The following NCKAP5 variants were observed in gnomAD, a reference collection of about 807,000 sequenced individuals.
NCKAP5 encodes the protein NCK associated protein 5, also known as nck-associated protein 5.
A neutral mutation model predicts 167.0 loss-of-function variants in NCKAP5; 92 were observed. That is an observed-to-expected ratio of 0.55 (90% CI 0.47 to 0.66). The LOEUF (loss-of-function observed/expected upper bound fraction) is 0.66, where lower values mean the gene tolerates loss of function less well. Among genes scored for constraint, NCKAP5 ranks in the 30% least tolerant of loss-of-function variants. The pLI, the probability that NCKAP5 is intolerant of heterozygous loss-of-function variation, is 0.00. For synonymous variants in NCKAP5, 891 were observed against 877.4 expected (o/e 1.02, Z -0.27); for missense variants, 2,378 against 2,315.0 (o/e 1.03, Z -0.56).
chr2:132,985,051 G>T (rs757766294), intron 7 of NCKAP5, among the ~76,000 whole-genome samples: 5 of 151,628 alleles, frequency 3.3e-5, no homozygotes, highest in Non-Finnish European at 7.4e-5. Flanking sequence ...ATGAGCTGGG[G>T]AAACAGCGGG....
intron 6 of NCKAP5, among the ~76,000 whole-genome samples, chr2:133,066,209 G>T (rs556220482): frequency 6.6e-6 from 1 of 152,138 alleles, no homozygotes; most frequent in African/African-American, 2.4e-5. Context: ...CAAATTAAAG[G>T]CTTAATTACC....
chr2:133,369,951 T>A (rs1685693790), intron 3 of NCKAP5, among the ~76,000 whole-genome samples: 1 of 152,256 alleles, frequency 6.6e-6, no homozygotes, highest in Non-Finnish European at 1.5e-5. Flanking sequence ...TCAGAATGAC[T>A]GGTTTAGCTG....
At chr2:133,591,715 A>G in the NCKAP5 span, among the ~76,000 whole-genome samples, 1 of 152,208 alleles carries the variant, frequency 6.6e-6, no homozygotes, top group Non-Finnish European at 1.5e-5. Flanking sequence ...TATGTATCCT[A>G]CTATTTTTCT....
chr2:133,328,556 C>A (rs996420478), intron 3 of NCKAP5, among the ~76,000 whole-genome samples: 9 of 152,156 alleles, frequency 5.9e-5, no homozygotes, highest in African/African-American at 2.2e-4. Context: ...ACTGCCTGGG[C>A]AGTCCTTGAC....
At chr2:133,322,743 G>A (rs780969658) in intron 3 of NCKAP5, among the ~76,000 whole-genome samples, 1 of 152,168 alleles carries the variant, frequency 6.6e-6, no homozygotes, top group Non-Finnish European at 1.5e-5. Context: ...AGTACTTTGG[G>A]TCTATTTCCT....
chr2:133,042,497 T>C (rs1203174154), intron 6 of NCKAP5, among the ~76,000 whole-genome samples: 1 of 152,192 alleles, frequency 6.6e-6, no homozygotes, highest in Non-Finnish European at 1.5e-5. Flanking sequence ...AATTTGTTTG[T>C]GAAAAATGAA....
At chr2:133,071,768 C>T (rs2080414368) in intron 6 of NCKAP5, among the ~76,000 whole-genome samples, 1 of 152,090 alleles carries the variant, frequency 6.6e-6, no homozygotes, top group Admixed American at 6.6e-5. Flanking sequence ...TTCAGGGTAC[C>T]ATATGCTTTG....
Position 133,057,619 on chromosome 2 carries a change from G to A in NCKAP5, c.342-63380C>T, listed in dbSNP as rs149624135. 3.4e-4 allele frequency among the ~76,000 whole-genome samples: 52 copies of A among 152,330 alleles called. 1 individual carries two copies. The highest frequency in any genetic ancestry group is 1.2e-3 in the African/African-American group (48 of 41,576). ...CTTCAATTCTATGAAGCCTGAGAGA[G>A]GTGAAGAAGTTGCAGAAGAAAAGTT... On this transcript the variant is annotated intron_variant, in intron 6 of 19. Coordinates refer to ENST00000409261, the MANE Select transcript of NCKAP5 (RefSeq NM_207363.3).
chr2:133,091,764 G>A (rs1166333736), intron 6 of NCKAP5, among the ~76,000 whole-genome samples: 1 of 152,102 alleles, frequency 6.6e-6, no homozygotes, highest in Non-Finnish European at 1.5e-5. Flanking sequence ...GTGGGTGCCT[G>A]TAGTCCCAGC....
intron 4 of NCKAP5, among the ~76,000 whole-genome samples, chr2:133,258,849 G>A (rs749081955): frequency 4.6e-5 from 7 of 152,158 alleles, no homozygotes; most frequent in Non-Finnish European, 7.4e-5. Context: ...TTCTGTAGGA[G>A]AGAAACATTT....
At chr2:133,167,915 G>A (rs1033026544) in intron 5 of NCKAP5, among the ~76,000 whole-genome samples, 1 of 152,148 alleles carries the variant, frequency 6.6e-6, no homozygotes, top group South Asian at 2.1e-4. Flanking sequence ...AGATATGATC[G>A]ATTCATTAAG....
intron 7 of NCKAP5, among the ~76,000 whole-genome samples, chr2:132,976,571 A>G (rs1186652414): frequency 6.6e-6 from 1 of 151,314 alleles, no homozygotes; most frequent in Non-Finnish European, 1.5e-5. Flanking sequence ...CTCAAAAAAA[A>G]AAAAAAAAAA....
At chr2:133,272,583 A>G (rs1218256757) in intron 4 of NCKAP5, among the ~76,000 whole-genome samples, 2 of 152,174 alleles carry the variant, frequency 1.3e-5, no homozygotes, top group Admixed American at 6.5e-5. Context: ...TAGGTCCAAA[A>G]TTTTAAACTT....
intron 3 of NCKAP5, among the ~76,000 whole-genome samples, chr2:133,403,066 TC>T (rs1305201651): frequency 2.0e-5 from 3 of 152,224 alleles, no homozygotes; most frequent in Non-Finnish European, 4.4e-5. Context: ...ACACCACTTA[TC>T]TTTGAATAGC....
intron 3 of NCKAP5, among the ~76,000 whole-genome samples, chr2:133,499,703 G>A (rs1316277663): frequency 1.3e-5 from 2 of 152,104 alleles, no homozygotes; most frequent in Admixed American, 1.3e-4. Flanking sequence ...GGGATTACAG[G>A]CACCCATGAC....
intron 5 of NCKAP5, among the ~76,000 whole-genome samples, chr2:133,174,250 T>C (rs1008081932): frequency 1.3e-5 from 2 of 152,164 alleles, no homozygotes; most frequent in African/African-American, 4.8e-5. Flanking sequence ...AGGTTATACA[T>C]TTTAGACAAG....
intron 16 of NCKAP5, among the ~76,000 whole-genome samples, chr2:132,755,331 G>T (rs1680444309): frequency 6.6e-6 from 1 of 152,132 alleles, no homozygotes; most frequent in South Asian, 2.1e-4. Context: ...GGTCATCTTA[G>T]GCCTTTCTCA....
At chr2:132,798,507 A>G (rs1684780530) in intron 11 of NCKAP5, among the ~76,000 whole-genome samples, 1 of 152,236 alleles carries the variant, frequency 6.6e-6, no homozygotes. Flanking sequence ...GTGGTATATC[A>G]TCTGATTTGA....
chr2:133,325,358 G>A (rs536135146), intron 3 of NCKAP5, among the ~76,000 whole-genome samples: 1 of 152,312 alleles, frequency 6.6e-6, no homozygotes, highest in East Asian at 1.9e-4. Flanking sequence ...TAGCATTTAT[G>A]TATTCCCCTA....
Sources: gnomAD v4.1 joint callset for allele counts (sites outside exome capture counted in the v4.1 genomes callset) on GRCh38, gnomAD v4.1.1 for gene constraint, MANE v1.5 for transcripts, NCBI Gene and HGNC (gene_info 2026-07-23, HGNC 2026-07-21) for gene names.